DIO1: variants seen among roughly 807,000 people sequenced by gnomAD.
DIO1 encodes iodothyronine deiodinase 1.
In DIO1, 17 loss-of-function variants were observed where a neutral mutation model predicts 25.9. That is an observed-to-expected ratio of 0.66 (90% CI 0.45 to 0.98). The LOEUF (loss-of-function observed/expected upper bound fraction) is 0.98. Ranked by LOEUF, DIO1 falls within the 50% of genes least tolerant of loss-of-function variation. The pLI is 0.00. For synonymous variants in DIO1, 115 were observed against 114.0 expected, an observed-to-expected ratio of 1.01 and a Z score of -0.05; for missense variants, 270 against 310.4, an observed-to-expected ratio of 0.87 and a Z score of 0.98.
intron 3 of DIO1, among the ~76,000 whole-genome samples, chr1:53,909,563 G>A (rs1348781803): frequency 6.6e-6 from 1 of 152,212 alleles, no homozygotes; most frequent in Non-Finnish European, 1.5e-5. Context: ...AACTGGAGAG[G>A]CAGAGATGGT....
intron 2 of DIO1, among the ~76,000 whole-genome samples, chr1:53,905,165 ATTTTTTT>A (rs1194459720): frequency 8.4e-6 from 1 of 119,024 alleles, no homozygotes; most frequent in Non-Finnish European, 1.8e-5. Flanking sequence ...CCTTATGGCT[ATTTTTTT>A]TTTTTTTTTT....
chr1:53,902,066 C>T (rs1049731723), intron 1 of DIO1, among the ~76,000 whole-genome samples: 64 of 149,614 alleles, frequency 4.3e-4, no homozygotes, highest in South Asian at 4.2e-4. Flanking sequence ...TCTCTTGTTG[C>T]TCTCTATGCC....
At chr1:53,899,562 G>T (rs1214865342) in intron 1 of DIO1, among the ~76,000 whole-genome samples, 1 of 152,110 alleles carries the variant, frequency 6.6e-6, no homozygotes, top group Non-Finnish European at 1.5e-5. Context: ...TAAACAAATG[G>T]CTCTGTCTCT....
At position 53,894,506 on chromosome 1, in the gene DIO1, G is replaced by A. The variant is rs375985012; in HGVS notation, c.296G>A (p.Arg99His). 8 of 1,613,920 alleles carry A rather than the reference G, an allele frequency of 5.0e-6. No homozygotes were observed. The highest frequency in any genetic ancestry group is 2.2e-5 in the South Asian group (2 of 91,072). Residue 99 changes from arginine (R) to histidine (H), a missense_variant, in exon 1 of 4, where the codon CGC becomes CAC. Physicochemically the swap from Arg to His is conservative, Grantham distance 29. Coordinates refer to ENST00000361921, the MANE Select transcript of DIO1 (RefSeq NM_000792.7). The surrounding 1 kb of genome is among the most constrained non-coding windows in gnomAD (Gnocchi z 4.9). ...GGLAPNCPVV[R>H]LSGQRCNIWE... ...CTGGCCCCAAACTGCCCGGTGGTCCGCCTCTCAGGACAGAGGTGCAACATT... is the reference window on the plus strand; with the variant it reads ...CTGGCCCCAAACTGCCCGGTGGTCCACCTCTCAGGACAGAGGTGCAACATT...
intron 1 of DIO1, among the ~76,000 whole-genome samples, chr1:53,900,982 C>CT (rs71063891): frequency 0.42 from 30,187 of 71,208 alleles, 10,556 homozygotes; most frequent in Non-Finnish European, 0.51. Flanking sequence ...GGCCAGCTAA[C>CT]TTTTTTTTTT....
Position 53,894,623 on chromosome 1 carries a change from G to C in DIO1, c.337+76G>C. ...GGGGGATGAAGAGATGGGTTGGAAA[G>C]TCCTGAATTCTCCTACTACTTTTGC... On this transcript the variant is annotated intron_variant, in intron 1 of 3. Transcript: ENST00000361921. The surrounding 1 kb of genome is among the most constrained non-coding windows in gnomAD (Gnocchi z 4.9). 7.3e-7 allele frequency: 1 copy of C among 1,365,918 alleles called. No individual in the cohort carries two copies. The highest frequency in any genetic ancestry group is 1.4e-5 in the African/African-American group (1 of 69,190). The allele number at this position is 1,365,918 out of a possible 1,614,324, so 84.6% of individuals were successfully genotyped here.
Position 53,894,265 on chromosome 1 carries a change from GT to G in DIO1, c.56del (p.Val19GlyfsTer12). ...GAAGAGGCTCTGGGTGCTCTTGGAG[GT>G]GGCTGTGCATGTGGTCGTGGGTAAA... ...WLKRLWVLLE[V>X]AVHVVVGKVL... On this transcript the variant is annotated frameshift_variant, in exon 1 of 4. Coordinates refer to ENST00000361921, the MANE Select transcript of DIO1 (RefSeq NM_000792.7). LOFTEE classifies it high-confidence loss of function. The surrounding 1 kb of genome is among the most constrained non-coding windows in gnomAD (Gnocchi z 4.9). 1 of 1,614,258 alleles carries G rather than the reference GT, an allele frequency of 6.2e-7. No homozygotes were observed. The highest frequency in any genetic ancestry group is 8.5e-7 in the Non-Finnish European group (1 of 1,180,054).
chr1:53,894,500 T>G lies in DIO1; in HGVS notation c.290T>G (p.Val97Gly). 1 of 1,614,148 alleles carries G rather than the reference T, an allele frequency of 6.2e-7. No individual in the cohort carries two copies. The highest frequency in any genetic ancestry group is 8.5e-7 in the Non-Finnish European group (1 of 1,180,032). Residue 97 changes from valine to glycine, a missense_variant, in exon 1 of 4, where the codon GTG (valine) becomes GGG (glycine). Coordinates refer to ENST00000361921, the MANE Select transcript of DIO1 (RefSeq NM_000792.7). The surrounding 1 kb of genome is among the most constrained non-coding windows in gnomAD (Gnocchi z 4.9). The part of the protein sequence containing the change: ...ELGGLAPNCP[V>G]VRLSGQRCNI... Reference sequence around the variant, plus strand: ...GGGGGTCTGGCCCCAAACTGCCCGGTGGTCCGCCTCTCAGGACAGAGGTGC... The same window carrying G: ...GGGGGTCTGGCCCCAAACTGCCCGGGGGTCCGCCTCTCAGGACAGAGGTGC...
chr1:53,904,600 A>C, intron 1 of DIO1, 66 bp from the exon 2 acceptor site: 1 of 1,573,726 alleles, frequency 6.4e-7, no homozygotes, highest in South Asian at 1.2e-5. Context: ...CATAGGAGTG[A>C]AAATGGTGCT....
In DIO1 at chr1:53,906,501, G is replaced by C. The variant is rs11806067; in HGVS notation, c.681+207G>C. On this transcript the variant is annotated intron_variant, in intron 3 of 3. Transcript: ENST00000361921. ...ATGGGAATGTTGGTCTCCACCTCAC[G>C]GGGGATGAAATAATGCACACGAATG... Among the ~76,000 whole-genome samples the C allele has an allele frequency of 3.4e-3, 517 of 152,290 alleles. 4 individuals carry two copies. The highest frequency in any genetic ancestry group is 0.012 in the African/African-American group (495 of 41,550).
Position 53,894,504 on chromosome 1 carries a change from C to G in DIO1, c.294C>G (p.Val98=). ...LGGLAPNCPV[V]RLSGQRCNIW... ...GTCTGGCCCCAAACTGCCCGGTGGT[C>G]CGCCTCTCAGGACAGAGGTGCAACA... The change falls in exon 1 of 4, where the codon GTC becomes GTG. Residue 98 remains valine, a synonymous_variant. Coordinates refer to ENST00000361921, the MANE Select transcript of DIO1 (RefSeq NM_000792.7). This position sits in a 1 kb window ranked among gnomAD's most constrained non-coding sequence, Gnocchi z 4.9. The G allele has an allele frequency of 1.2e-6, 2 of 1,614,166 alleles. No homozygotes were observed. Among genetic ancestry groups the G allele is most frequent in the Non-Finnish European group, 1.7e-6 (2 of 1,180,040 alleles).
intron 3 of DIO1, among the ~76,000 whole-genome samples, chr1:53,908,811 A>T (rs1651789736): frequency 1.3e-5 from 2 of 152,294 alleles, no homozygotes; most frequent in African/African-American, 4.8e-5. Context: ...ACCTGTACTT[A>T]GAACGTTCAC....
At chr1:53,898,225 AGAG>A (rs1651176966) in intron 1 of DIO1, among the ~76,000 whole-genome samples, 1 of 152,080 alleles carries the variant, frequency 6.6e-6, no homozygotes, top group Non-Finnish European at 1.5e-5. Flanking sequence ...GGCAGGGCAC[AGAG>A]GAGGAGCAGC....
intron 1 of DIO1, among the ~76,000 whole-genome samples, chr1:53,895,163 G>T (rs999201146): frequency 2.0e-5 from 3 of 152,172 alleles, no homozygotes; most frequent in East Asian, 1.9e-4. Flanking sequence ...GATGGTTCAC[G>T]CCTGTAATCC....
At chr1:53,907,628 C>T (rs1369578438) in intron 3 of DIO1, among the ~76,000 whole-genome samples, 1 of 152,164 alleles carries the variant, frequency 6.6e-6, no homozygotes, top group Admixed American at 6.6e-5. Context: ...TGACTCATAC[C>T]TAGCCGGGTG....
rs1170845709 is a variant in DIO1 at position 53,894,298 on chromosome 1, C to T, written c.88C>T (p.Leu30=). 2 of 1,614,262 alleles carry T rather than the reference C, an allele frequency of 1.2e-6. No homozygotes were observed. The highest frequency in any genetic ancestry group is 3.3e-5 in the Admixed American group (2 of 60,030). The part of the protein sequence containing the change: ...AVHVVVGKVL[L]ILFPDRVKRN... The stretch of plus-strand genomic sequence containing the variant: ...GCATGTGGTCGTGGGTAAAGTGCTT[C>T]TGATATTGTTTCCAGACAGAGTCAA... Residue 30 remains leucine (L), a synonymous_variant, in exon 1 of 4, where the codon CTG becomes TTG. Coordinates refer to ENST00000361921, the MANE Select transcript of DIO1 (RefSeq NM_000792.7). This position sits in a 1 kb window ranked among gnomAD's most constrained non-coding sequence, Gnocchi z 4.9.
Position 53,910,072 on chromosome 1 carries a change from C to T in DIO1, c.*73C>T, listed in dbSNP as rs1651870820. On this transcript the variant is annotated 3_prime_UTR_variant, in exon 4 of 4. Coordinates refer to ENST00000361921, the MANE Select transcript of DIO1 (RefSeq NM_000792.7). Reference sequence around the variant, plus strand: ...AGGCTTAGCTCTCCCTGAGACCCAGCTGGCTTTTACCCTTGACCTGTGTCC... The same window carrying T: ...AGGCTTAGCTCTCCCTGAGACCCAGTTGGCTTTTACCCTTGACCTGTGTCC... 5 of 1,378,780 alleles carry T rather than the reference C, an allele frequency of 3.6e-6. No homozygotes were observed. The highest frequency in any genetic ancestry group is 1.7e-5 in the Admixed American group (1 of 59,502). 85.4% of individuals were successfully genotyped at this position (1,378,780 alleles called of 1,614,324 possible). A position where few individuals can be genotyped will look rare whatever the true frequency, so the allele number is the denominator to read the frequency against.
chr1:53,908,884 G>A (rs779904583), intron 3 of DIO1, among the ~76,000 whole-genome samples: 4 of 152,108 alleles, frequency 2.6e-5, no homozygotes, highest in Non-Finnish European at 5.9e-5. Flanking sequence ...CTGAGGTCAG[G>A]AGTTCAAGAC....
chr1:53,896,774 C>T (rs1226397331), intron 1 of DIO1, among the ~76,000 whole-genome samples: 2 of 152,028 alleles, frequency 1.3e-5, no homozygotes, highest in East Asian at 3.9e-4. Context: ...AGAACTTTTG[C>T]CTGGAGGACT....
Sources: gnomAD v4.1 joint callset for allele counts (sites outside exome capture counted in the v4.1 genomes callset) on GRCh38, gnomAD v4.1.1 for gene constraint, Gnocchi (gnomAD v3.1) non-coding constraint, MANE v1.5 for transcripts, NCBI Gene and HGNC (gene_info 2026-07-23, HGNC 2026-07-21) for gene names.